SBNO2: variants seen among roughly 807,000 people sequenced by gnomAD.
The protein encoded by SBNO2 is strawberry notch homolog 2, also known as protein strawberry notch homolog 2.
A neutral mutation model predicts 146.3 loss-of-function variants in SBNO2; 89 were observed. That is an observed-to-expected ratio of 0.61 (90% CI 0.51 to 0.73). The LOEUF is 0.73. Among genes scored for constraint, SBNO2 ranks in the 30% least tolerant of loss-of-function variants. The pLI is 0.00. For missense variants in SBNO2, 2,092 were observed against 2,003.7 expected, an observed-to-expected ratio of 1.04 and a Z score of -0.84; for synonymous variants, 1,147 against 892.6, an observed-to-expected ratio of 1.29 and a Z score of -5.08.
chr19:1,119,136 T>C lies in SBNO2; in HGVS notation c.1402A>G (p.Met468Val). The C allele has an allele frequency of 1.9e-6, 3 of 1,603,584 alleles. No individual in the cohort carries two copies. The highest frequency in any genetic ancestry group is 2.5e-6 in the Non-Finnish European group (3 of 1,176,622). ...TACATGCCGCTGACCTTCATGTCCA[T>C]GGCCACGATCTCCATGGCGCCAACG... is the stretch of plus-strand genomic sequence containing the variant. Reference protein sequence around the residue: ...RGVGAMEIVAMDMKVSGMYIA... With the variant: ...RGVGAMEIVAVDMKVSGMYIA... The change falls in exon 14 of 32, where the codon ATG becomes GTG. Residue 468 changes from methionine to valine, a missense_variant. Coordinates refer to ENST00000361757, the MANE Select transcript of SBNO2 (RefSeq NM_014963.3).
Position 1,109,432 on chromosome 19 carries a change from G to A in SBNO2, c.3217-9C>T, listed in dbSNP as rs1485506170. On this transcript the variant is annotated splice_polypyrimidine_tract_variant and intron_variant, in intron 28 of 31. Transcript: ENST00000361757. This position sits in a 1 kb window ranked among gnomAD's most constrained non-coding sequence, Gnocchi z 4.2. The stretch of plus-strand genomic sequence containing the variant: ...GGCTTGTTACCGCGGACCTGCGGAG[G>A]GGGGCGTTGAGGCCGCGCCCCGGTC... 3 of 1,563,956 alleles carry A rather than the reference G, an allele frequency of 1.9e-6. No homozygotes were observed. The highest frequency in any genetic ancestry group is 1.2e-5 in the South Asian group (1 of 85,608).
At chr19:1,139,587 G>A (rs998854045) in intron 4 of SBNO2, among the ~76,000 whole-genome samples, 4 of 152,096 alleles carry the variant, frequency 2.6e-5, no homozygotes, top group African/African-American at 9.7e-5. Context: ...CTGAGATCAC[G>A]AGTTTGAGAC....
chr19:1,140,755 C>A lies in SBNO2; in HGVS notation c.279+6554G>T, dbSNP rs559989420. On this transcript the variant is annotated intron_variant, in intron 4 of 31. Coordinates refer to ENST00000361757, the MANE Select transcript of SBNO2 (RefSeq NM_014963.3). The surrounding 1 kb of genome is among the most constrained non-coding windows in gnomAD (Gnocchi z 4.4). ...CTCCCACGGGCAGAGGCTGCTGACC[C>A]CGCCTTGGGCAGGACCAGCCTCTGC... is the stretch of plus-strand genomic sequence containing the variant. 7.2e-5 allele frequency among the ~76,000 whole-genome samples: 11 copies of A among 152,312 alleles called. No homozygotes were observed. Among genetic ancestry groups the A allele is most frequent in the African/African-American group, 2.6e-4 (11 of 41,580 alleles).
intron 17 of SBNO2, among the ~76,000 whole-genome samples, chr19:1,114,962 C>G (rs1387397189): frequency 6.6e-6 from 1 of 151,604 alleles, no homozygotes; most frequent in African/African-American, 2.4e-5. Flanking sequence ...TGGAGTTTCA[C>G]TCTGTTGCCC....
chr19:1,166,807 C>T (rs762079807), intron 1 of SBNO2, among the ~76,000 whole-genome samples: 3 of 152,200 alleles, frequency 2.0e-5, no homozygotes, highest in Non-Finnish European at 4.4e-5. Flanking sequence ...CCTTGTGTGT[C>T]TTCAATCCAT....
intron 1 of SBNO2, among the ~76,000 whole-genome samples, chr19:1,172,775 A>ACCCAC (rs200691444): frequency 2.5e-5 from 1 of 39,608 alleles, no homozygotes; most frequent in Non-Finnish European, 3.8e-5. Flanking sequence ...ACTCACTGCA[A>ACCCAC]CCGCCCCCCC....
Position 1,158,121 on chromosome 19 carries a change from G to A in SBNO2, c.-126-3719C>T, listed in dbSNP as rs907818390. Among the ~76,000 whole-genome samples, 3 of 152,152 alleles carry A rather than the reference G, an allele frequency of 2.0e-5. No individual in the cohort carries two copies. Among genetic ancestry groups the A allele is most frequent in the Admixed American group, 1.3e-4 (2 of 15,280 alleles). On this transcript the variant is annotated intron_variant, in intron 1 of 31. Coordinates refer to ENST00000361757, the MANE Select transcript of SBNO2 (RefSeq NM_014963.3). This position sits in a 1 kb window ranked among gnomAD's most constrained non-coding sequence, Gnocchi z 9.9. ...GAAGTCCCCGTCTTCCTGGCTGGAC[G>A]CCCCAGGGTCTCACCCCACGCTGTG... is the stretch of plus-strand genomic sequence containing the variant.
rs1431237611 is a variant in SBNO2, at chr19:1,158,595, A to G, written c.-126-4193T>C. ...GCAGCATCTCAAGGCCTGCGCCAGC[A>G]AAGGCGGACATGGAGGTCTGAGGAG... On this transcript the variant is annotated intron_variant, in intron 1 of 31. Coordinates refer to ENST00000361757, the MANE Select transcript of SBNO2 (RefSeq NM_014963.3). This position sits in a 1 kb window ranked among gnomAD's most constrained non-coding sequence, Gnocchi z 9.9. 6.6e-6 allele frequency among the ~76,000 whole-genome samples: 1 copy of G among 152,218 alleles called. No individual in the cohort carries two copies. Among genetic ancestry groups the G allele is most frequent in the African/African-American group, 2.4e-5 (1 of 41,456 alleles).
chr19:1,169,882 C>T (rs11882501), intron 1 of SBNO2, among the ~76,000 whole-genome samples: 3,858 of 152,298 alleles, frequency 0.025, 182 homozygotes, highest in African/African-American at 0.089. Flanking sequence ...AATTCCAAAA[C>T]ATTCCGCTCC....
intron 1 of SBNO2, among the ~76,000 whole-genome samples, chr19:1,170,030 C>T (rs1428333031): frequency 6.6e-6 from 1 of 152,226 alleles, no homozygotes; most frequent in Non-Finnish European, 1.5e-5. Context: ...TGTGGACTGC[C>T]CTGCTCTGCA....
At chr19:1,122,437 T>A in intron 10 of SBNO2, 31 bp downstream of exon 10, 1 of 1,553,942 alleles carries the variant, frequency 6.4e-7, no homozygotes. Context: ...GTCCCCACCT[T>A]GCCCCCTACT....
rs777506882 is a variant in SBNO2, at chr19:1,109,815, T to G, written c.3029-38A>C. ...GTGGAGGGTAAGTGGTGTCCAGGCC[T>G]GGGACTGTGGGCTGGGGCCAGGGTC... On this transcript the variant is annotated intron_variant, in intron 26 of 31. Transcript: ENST00000361757. This position sits in a 1 kb window ranked among gnomAD's most constrained non-coding sequence, Gnocchi z 4.2. The G allele has an allele frequency of 2.1e-6, 3 of 1,451,114 alleles. No homozygotes were observed. Among genetic ancestry groups the G allele is most frequent in the Non-Finnish European group, 2.8e-6 (3 of 1,056,406 alleles). The allele number at this position is 1,451,114 out of a possible 1,614,324, so 89.9% of individuals were successfully genotyped here.
intron 23 of SBNO2, among the ~76,000 whole-genome samples, 169 bp downstream of exon 23, chr19:1,111,827 C>A (rs1000514328): frequency 6.0e-5 from 9 of 151,218 alleles, no homozygotes; most frequent in Non-Finnish European, 1.2e-4. Context: ...CCTCCCTGAG[C>A]CCCTAGAAGC....
At chr19:1,127,493 C>T (rs765127410) in intron 5 of SBNO2, 111 bp downstream of exon 5, 4 of 1,026,536 alleles carry the variant, frequency 3.9e-6, no homozygotes, top group Non-Finnish European at 2.9e-6. Flanking sequence ...CAGGCACAGC[C>T]ATTGGCACGC....
chr19:1,112,701 C>G lies in SBNO2; in HGVS notation c.2379+117G>C. The G allele has an allele frequency of 1.4e-6, 2 of 1,445,690 alleles. No homozygotes were observed. Among genetic ancestry groups the G allele is most frequent in the East Asian group, 5.0e-5 (2 of 40,104 alleles). 89.6% of individuals were successfully genotyped at this position (1,445,690 alleles called of 1,614,324 possible). A position where few individuals can be genotyped will look rare whatever the true frequency, so the allele number is the denominator to read the frequency against. On this transcript the variant is annotated intron_variant, in intron 20 of 31. Coordinates refer to ENST00000361757, the MANE Select transcript of SBNO2 (RefSeq NM_014963.3). This position sits in a 1 kb window ranked among gnomAD's most constrained non-coding sequence, Gnocchi z 5.9. ...CACCCGCCACACGGCCACTCGCGCC[C>G]GCACCTGGCACACACACACTCCAGA...
In SBNO2 at chr19:1,173,929, G is replaced by A. The variant is rs1174086591; in HGVS notation, c.-127+243C>T. Among the ~76,000 whole-genome samples, 2 of 137,616 alleles carry A rather than the reference G, an allele frequency of 1.5e-5. No homozygotes were observed. The highest frequency in any genetic ancestry group is 5.2e-5 in the African/African-American group (2 of 38,248). 90.3% of individuals were successfully genotyped at this position (137,616 alleles called of 152,430 possible). ...CAGGGGGTCGCCGGGGGGCGGGGGGGCAGGTCAAGGTTCACGGCGGTGGTC... is the reference window on the plus strand; with the variant it reads ...CAGGGGGTCGCCGGGGGGCGGGGGGACAGGTCAAGGTTCACGGCGGTGGTC... On this transcript the variant is annotated intron_variant, in intron 1 of 31. Transcript: ENST00000361757. This position sits in a 1 kb window ranked among gnomAD's most constrained non-coding sequence, Gnocchi z 4.7.
In SBNO2 at chr19:1,108,249, G is replaced by T. The variant is rs1157263320; in HGVS notation, c.4072C>A (p.Pro1358Thr). ...ERQSVIQFSPPFPGAQAPL is the reference protein window; with the variant it reads ...ERQSVIQFSPTFPGAQAPL ...AGAGGAGCCTGGGCGCCGGGGAAGG[G>T]TGGGCTGAACTGGATCACGCTCTGC... The change falls in exon 32 of 32, where the codon CCC becomes ACC. Residue 1358 changes from proline (P) to threonine (T), a missense_variant. Pro to Thr is a conservative substitution (Grantham distance 38). Transcript: ENST00000361757. 3.9e-6 allele frequency: 6 copies of T among 1,526,642 alleles called. No individual in the cohort carries two copies. Among genetic ancestry groups the T allele is most frequent in the Non-Finnish European group, 4.4e-6 (5 of 1,135,110 alleles). 94.6% of individuals were successfully genotyped at this position (1,526,642 alleles called of 1,614,324 possible). A position where few individuals can be genotyped will look rare whatever the true frequency, so the allele number is the denominator to read the frequency against.
chr19:1,119,392 C>T (rs1256773648), intron 13 of SBNO2, 124 bp downstream of exon 13: 5 of 903,714 alleles, frequency 5.5e-6, no homozygotes, highest in East Asian at 2.7e-5. Flanking sequence ...AAACGAGCGA[C>T]CCACATTCAG....
chr19:1,113,053 C>G (rs533557019), intron 19 of SBNO2, 104 bp from the exon 20 acceptor site: 1 of 1,355,048 alleles, frequency 7.4e-7, no homozygotes, highest in East Asian at 2.6e-5. Context: ...GTCATGGGCT[C>G]CCAGCTGTGC....
Sources: gnomAD v4.1 joint callset for allele counts (sites outside exome capture counted in the v4.1 genomes callset) on GRCh38, gnomAD v4.1.1 for gene constraint, Gnocchi (gnomAD v3.1) non-coding constraint, MANE v1.5 for transcripts, NCBI Gene and HGNC (gene_info 2026-07-23, HGNC 2026-07-21) for gene names.